PRKCA: variants seen among roughly 807,000 people sequenced by gnomAD.
PRKCA encodes the protein protein kinase C alpha.
Under a neutral mutation model 87.0 loss-of-function variants are expected in PRKCA, and 27 were observed. The observed-to-expected ratio is 0.31, with a 90% CI of 0.23 to 0.43. The LOEUF is 0.43. Among genes scored for constraint, PRKCA ranks in the 20% least tolerant of loss-of-function variants. The probability of loss-of-function intolerance (pLI) is 1.00; values close to 1 mark genes in which losing one functional copy is unlikely to be tolerated. For missense variants in PRKCA, 518 were observed against 852.3 expected, an observed-to-expected ratio of 0.61 and a Z score of 4.88; for synonymous variants, 329 against 311.1, an observed-to-expected ratio of 1.06 and a Z score of -0.61.
chr17:66,682,646 A>G (rs1555635159), intron 5 of PRKCA, among the ~76,000 whole-genome samples: 1 of 152,246 alleles, frequency 6.6e-6, no homozygotes, highest in Non-Finnish European at 1.5e-5. Flanking sequence ...TTGAGTTGGC[A>G]TGATAGATCT....
chr17:66,718,576 T>C (rs1295573425), intron 8 of PRKCA, among the ~76,000 whole-genome samples: 1 of 152,188 alleles, frequency 6.6e-6, no homozygotes, highest in Non-Finnish European at 1.5e-5. Context: ...CCTCAGCCTT[T>C]CAAAAATGCT....
chr17:66,552,983 TTTTC>T (rs201341806), intron 3 of PRKCA, among the ~76,000 whole-genome samples: 8 of 108,390 alleles, frequency 7.4e-5, no homozygotes, highest in African/African-American at 2.9e-4. Context: ...AATCTGAATA[TTTTC>T]TTTTTTTTTT....
At chr17:66,409,419 A>G (rs75635103) in intron 2 of PRKCA, among the ~76,000 whole-genome samples, 1 of 152,322 alleles carries the variant, frequency 6.6e-6, no homozygotes, top group East Asian at 1.9e-4. Flanking sequence ...CATTTATGAT[A>G]GATTATTTTT....
intron 2 of PRKCA, among the ~76,000 whole-genome samples, chr17:66,418,326 G>A (rs1011954105): frequency 2.6e-5 from 4 of 152,152 alleles, no homozygotes; most frequent in East Asian, 1.9e-4. Context: ...TTTTTACTCC[G>A]ACTACTGAAT....
intron 2 of PRKCA, among the ~76,000 whole-genome samples, chr17:66,410,051 T>C (rs1409810702): frequency 1.3e-5 from 2 of 152,356 alleles, no homozygotes; most frequent in South Asian, 2.1e-4. Context: ...TACCAGCTGT[T>C]GGCCTCCTAG....
At chr17:66,519,893 A>G (rs1013148320) in intron 3 of PRKCA, among the ~76,000 whole-genome samples, 1 of 152,188 alleles carries the variant, frequency 6.6e-6, no homozygotes, top group Non-Finnish European at 1.5e-5. Flanking sequence ...TACCTTGGAT[A>G]TGGTTGAGTG....
At chr17:66,478,182 T>C (rs774185177) in intron 2 of PRKCA, among the ~76,000 whole-genome samples, 2 of 152,186 alleles carry the variant, frequency 1.3e-5, no homozygotes, top group Non-Finnish European at 2.9e-5. Context: ...GCTGTTCACA[T>C]GTGAGAGGGA....
At chr17:66,458,435 G>C (rs1300928163) in intron 2 of PRKCA, among the ~76,000 whole-genome samples, 1 of 152,008 alleles carries the variant, frequency 6.6e-6, no homozygotes, top group South Asian at 2.1e-4. Flanking sequence ...CACTGCTAGG[G>C]TGCCTTGAAG....
intron 3 of PRKCA, among the ~76,000 whole-genome samples, chr17:66,610,956 G>T (rs1468182704): frequency 6.6e-6 from 1 of 152,150 alleles, no homozygotes; most frequent in Non-Finnish European, 1.5e-5. Flanking sequence ...TTGGGCTTCA[G>T]AACAAAGAAC....
At chr17:66,339,927 A>G (rs940791516) in intron 2 of PRKCA, 4 of 152,222 alleles carry the variant, frequency 2.6e-5, no homozygotes, top group Non-Finnish European at 4.4e-5. Flanking sequence ...TGGAAGCTTC[A>G]TCAGATTTTC....
intron 2 of PRKCA, among the ~76,000 whole-genome samples, chr17:66,351,001 A>T (rs1218879484): frequency 1.3e-5 from 2 of 152,234 alleles, no homozygotes; most frequent in African/African-American, 4.8e-5. Flanking sequence ...CATGGACTGC[A>T]GTACAATGTA....
At chr17:66,607,813 T>A (rs1970253095) in intron 3 of PRKCA, among the ~76,000 whole-genome samples, 1 of 152,218 alleles carries the variant, frequency 6.6e-6, no homozygotes, top group Non-Finnish European at 1.5e-5. Flanking sequence ...GTTTCACCTC[T>A]GGATGTATGT....
chr17:66,760,767 C>T (rs1277046796), intron 13 of PRKCA, among the ~76,000 whole-genome samples: 1 of 152,226 alleles, frequency 6.6e-6, no homozygotes, highest in African/African-American at 2.4e-5. Flanking sequence ...ACTAATACCT[C>T]TCATGAACAT....
chr17:66,784,924 T>C (rs560337855), intron 14 of PRKCA, among the ~76,000 whole-genome samples: 25 of 152,288 alleles, frequency 1.6e-4, no homozygotes, highest in Admixed American at 6.5e-4. Context: ...CTGGTGGAAG[T>C]TGCTGTGGCC....
intron 3 of PRKCA, among the ~76,000 whole-genome samples, chr17:66,578,649 G>A (rs1050912700): frequency 6.6e-6 from 1 of 152,174 alleles, no homozygotes; most frequent in East Asian, 1.9e-4. Flanking sequence ...TCATTCTAAA[G>A]AAGTAGCCCT....
chr17:66,438,433 C>T (rs1183608141), intron 2 of PRKCA, among the ~76,000 whole-genome samples: 7 of 152,130 alleles, frequency 4.6e-5, no homozygotes, highest in African/African-American at 1.2e-4. Context: ...GAACACCCAA[C>T]TGGGCTTTTT....
At chr17:66,703,658 GGTGGTGAGAGCTT>G (rs1361848403) in intron 8 of PRKCA, 1 of 152,146 alleles carries the variant, frequency 6.6e-6, no homozygotes, top group Non-Finnish European at 1.5e-5. Flanking sequence ...AGCCAGGCAT[GGTGGTGAGAGCTT>G]GTAATCCCAG....
chr17:66,363,556 A>G (rs577556860), intron 2 of PRKCA, among the ~76,000 whole-genome samples: 1 of 152,248 alleles, frequency 6.6e-6, no homozygotes, highest in Non-Finnish European at 1.5e-5. Context: ...AGTATTTGTT[A>G]CAAGTAAATT....
At chr17:66,651,467 A>G (rs12452286) in intron 5 of PRKCA, among the ~76,000 whole-genome samples, 85,814 of 151,976 alleles carry the variant, frequency 0.56, 24,419 homozygotes, top group Middle Eastern at 0.6. Context: ...ATTGCTGGGT[A>G]AGGAGACGCA....
Sources: gnomAD v4.1 joint callset for allele counts (sites outside exome capture counted in the v4.1 genomes callset) on GRCh38, gnomAD v4.1.1 for gene constraint, MANE v1.5 for transcripts, NCBI Gene and HGNC (gene_info 2026-07-23, HGNC 2026-07-21) for gene names.